Variants in BTBD10 observed in about 807,000 individuals in gnomAD.
BTBD10 encodes BTB domain containing 10.
In BTBD10, 21 loss-of-function variants were observed where a neutral mutation model predicts 53.2. The observed-to-expected ratio is 0.39, with a 90% CI of 0.28 to 0.57. BTBD10 has a LOEUF of 0.57. Among genes scored for constraint, BTBD10 ranks in the 20% least tolerant of loss-of-function variants. The probability of loss-of-function intolerance (pLI) is 0.53; values close to 1 mark genes in which losing one functional copy is unlikely to be tolerated. For synonymous variants in BTBD10, 149 were observed against 192.7 expected (o/e 0.77, Z 1.88); for missense variants, 360 against 594.7 (o/e 0.61, Z 4.10).
chr11:13,405,656 T>C lies in BTBD10; in HGVS notation c.1006+3A>G, dbSNP rs1200517540. On this transcript the variant is annotated splice_donor_region_variant and intron_variant, in intron 7 of 8. Coordinates refer to ENST00000278174, the MANE Select transcript of BTBD10 (RefSeq NM_032320.7). ...GGGAGAGAAAACATGCCAGAGTACG[T>C]ACTTTGTGAATATTCTTCTCCCATC... 1 of 1,613,360 alleles carries C rather than the reference T, an allele frequency of 6.2e-7. No homozygotes were observed. The highest frequency in any genetic ancestry group is 1.3e-5 in the African/African-American group (1 of 75,026).
chr11:13,414,546 C>G (rs967124299), intron 5 of BTBD10, among the ~76,000 whole-genome samples: 1 of 151,664 alleles, frequency 6.6e-6, no homozygotes, highest in Non-Finnish European at 1.5e-5. Context: ...CCCAGCTACT[C>G]GGGAGGCTGA....
chr11:13,390,467 T>G (rs941845600), intron 8 of BTBD10, among the ~76,000 whole-genome samples: 6 of 151,794 alleles, frequency 4.0e-5, no homozygotes, highest in African/African-American at 1.5e-4. Flanking sequence ...CCTCAGCCTC[T>G]CGAGTAGCTG....
intron 1 of BTBD10, among the ~76,000 whole-genome samples, chr11:13,455,761 C>T (rs1950953255): frequency 1.3e-5 from 2 of 152,188 alleles, no homozygotes; most frequent in Non-Finnish European, 1.5e-5. Flanking sequence ...AGAAGCAACA[C>T]CCTTTAAACA....
chr11:13,449,390 T>C (rs532394150), intron 1 of BTBD10, among the ~76,000 whole-genome samples: 2 of 151,722 alleles, frequency 1.3e-5, no homozygotes, highest in Non-Finnish European at 2.9e-5. Context: ...TCTTAAGAGA[T>C]AAGATTAAAA....
At chr11:13,451,107 C>T (rs1348575538) in intron 1 of BTBD10, among the ~76,000 whole-genome samples, 1 of 152,016 alleles carries the variant, frequency 6.6e-6, no homozygotes, top group Non-Finnish European at 1.5e-5. Context: ...AAGTGCAGGC[C>T]CAAAATCTGA....
intron 4 of BTBD10, among the ~76,000 whole-genome samples, chr11:13,418,796 T>C (rs1000010380): frequency 6.6e-6 from 1 of 152,096 alleles, no homozygotes; most frequent in Admixed American, 6.5e-5. Context: ...ATACTGATTT[T>C]GCAATTAAAA....
Position 13,440,180 on chromosome 11 carries a change from T to C in BTBD10, c.101+4844A>G, listed in dbSNP as rs1555029402. 2.8e-6 allele frequency: 4 copies of C among 1,453,972 alleles called. No homozygotes were observed. In the South Asian group the frequency reaches 5.0e-5, roughly 18 times the overall value. The allele number at this position is 1,453,972 out of a possible 1,614,324, so 90.1% of individuals were successfully genotyped here. A position where few individuals can be genotyped will look rare whatever the true frequency, so the allele number is the denominator to read the frequency against. ...TATTTAGGCTTTAAATATTCAGAGA[T>C]ACAACCCCCTCTACATATTAATTCA... is the stretch of plus-strand genomic sequence containing the variant. On this transcript the variant is annotated intron_variant, in intron 2 of 8. Coordinates refer to ENST00000278174, the MANE Select transcript of BTBD10 (RefSeq NM_032320.7).
intron 1 of BTBD10, among the ~76,000 whole-genome samples, chr11:13,447,492 G>A (rs1053041999): frequency 6.6e-6 from 1 of 152,184 alleles, no homozygotes; most frequent in Non-Finnish European, 1.5e-5. Context: ...TCCACTGAGG[G>A]AAGAATGATC....
In BTBD10 at chr11:13,413,602, G is replaced by C; in HGVS notation, c.736C>G (p.Pro246Ala). The C allele has an allele frequency of 6.2e-7, 1 of 1,611,366 alleles. No individual in the cohort carries two copies. The highest frequency in any genetic ancestry group is 8.5e-7 in the Non-Finnish European group (1 of 1,178,236). Residue 246 changes from proline (P) to alanine (A), a missense_variant, in exon 6 of 9, where the codon CCT becomes GCT. This residue lies in a region of BTBD10 where 91 missense variants were observed against 171.7 expected (regional missense o/e 0.53). Coordinates refer to ENST00000278174, the MANE Select transcript of BTBD10 (RefSeq NM_032320.7). ...TAGTCACATGCTTCTCTCAGTTCAG[G>C]AATAGATATGCCATCAGGACAACGG... ...IIRCPDGISI[P>A]ELREACDYLC...
At chr11:13,436,891 C>T (rs140718286) in intron 2 of BTBD10, among the ~76,000 whole-genome samples, 4,137 of 152,220 alleles carry the variant, frequency 0.027, 144 homozygotes, top group South Asian at 0.082. Context: ...AAGCAATTCT[C>T]GTGCCTCAGC....
intron 1 of BTBD10, among the ~76,000 whole-genome samples, chr11:13,448,474 T>C (rs1216155762): frequency 6.6e-6 from 1 of 152,168 alleles, no homozygotes; most frequent in African/African-American, 2.4e-5. Flanking sequence ...GCACCCCAAC[T>C]TCAATAGTCA....
At chr11:13,408,971 C>A (rs1257003321) in intron 6 of BTBD10, among the ~76,000 whole-genome samples, 1 of 152,160 alleles carries the variant, frequency 6.6e-6, no homozygotes, top group East Asian at 1.9e-4. Flanking sequence ...GAACAGGGCC[C>A]CCATGAAATG....
At chr11:13,414,583 G>A (rs1735182290) in intron 5 of BTBD10, among the ~76,000 whole-genome samples, 1 of 152,048 alleles carries the variant, frequency 6.6e-6, no homozygotes, top group African/African-American at 2.4e-5. Context: ...GAACCTGGGA[G>A]GCGGAGCTTG....
rs1949299411 is a variant in BTBD10 at position 13,388,165 on chromosome 11, G to A, written c.*666C>T. The A allele has an allele frequency of 6.6e-6, 1 of 152,574 alleles. No homozygotes were observed. Among genetic ancestry groups the A allele is most frequent in the Admixed American group, 6.5e-5 (1 of 15,268 alleles). The allele number at this position is 152,574 out of a possible 1,614,324, so 9.5% of individuals were successfully genotyped here. A position where few individuals can be genotyped will look rare whatever the true frequency, so the allele number is the denominator to read the frequency against. Reference sequence around the variant, plus strand: ...ATAAATATCTGTGAACAGATTAAGGGTAAGGCAGACTGGATAATAAACCAC... The same window carrying A: ...ATAAATATCTGTGAACAGATTAAGGATAAGGCAGACTGGATAATAAACCAC... On this transcript the variant is annotated 3_prime_UTR_variant, in exon 9 of 9. Transcript: ENST00000278174.
At chr11:13,462,129 A>G (rs1951115013) in intron 1 of BTBD10, among the ~76,000 whole-genome samples, 1 of 151,848 alleles carries the variant, frequency 6.6e-6, no homozygotes, top group Admixed American at 6.6e-5. Flanking sequence ...TCTTATTCCG[A>G]TTTCCACAGT....
chr11:13,455,382 A>G (rs1248316551), intron 1 of BTBD10, among the ~76,000 whole-genome samples: 1 of 152,208 alleles, frequency 6.6e-6, no homozygotes, highest in Non-Finnish European at 1.5e-5. Context: ...CTTCTTAATT[A>G]ACACATTAAC....
chr11:13,418,196 C>A (rs868115087), intron 4 of BTBD10, among the ~76,000 whole-genome samples: 1 of 150,934 alleles, frequency 6.6e-6, no homozygotes, highest in East Asian at 1.9e-4. Flanking sequence ...AAAAAAAATG[C>A]CAGCTGCTTT....
chr11:13,442,298 G>C (rs1256258503), intron 2 of BTBD10, among the ~76,000 whole-genome samples: 2 of 152,000 alleles, frequency 1.3e-5, no homozygotes, highest in African/African-American at 4.8e-5. Context: ...CTTCAAGCTG[G>C]GTGATGAATA....
At chr11:13,425,201 C>T (rs1591136103) in intron 2 of BTBD10, among the ~76,000 whole-genome samples, 1 of 152,060 alleles carries the variant, frequency 6.6e-6, no homozygotes. Flanking sequence ...ACTGGAAAGC[C>T]TAATAATTTA....
Sources: allele counts gnomAD v4.1 joint callset (sites outside exome capture counted in the v4.1 genomes callset), GRCh38; gene constraint gnomAD v4.1.1; regional missense constraint gnomAD v4.1.1; transcripts MANE v1.5; gene names NCBI Gene and HGNC (gene_info 2026-07-23, HGNC 2026-07-21).